Variants in DNAH11 observed in about 807,000 individuals in gnomAD.
DNAH11 encodes the protein axonemal beta dynein heavy chain 11.
In DNAH11, 442 loss-of-function variants were observed where a neutral mutation model predicts 526.0. The observed-to-expected ratio is 0.84, with a 90% CI of 0.78 to 0.91. DNAH11 has a LOEUF of 0.91. DNAH11 is among the 40% of genes least tolerant of loss of function. The pLI, the probability that DNAH11 is intolerant of heterozygous loss-of-function variation, is 0.00. For missense variants in DNAH11, 6,989 were observed against 5,448.7 expected (o/e 1.28, Z -8.90); for synonymous variants, 2,461 against 1,935.9 (o/e 1.27, Z -7.12).
chr7:21,833,531 A>C (rs1781871595), intron 65 of DNAH11, among the ~76,000 whole-genome samples: 1 of 152,014 alleles, frequency 6.6e-6, no homozygotes, highest in African/African-American at 2.4e-5. Context: ...CGTCTCTACT[A>C]AAAATAGATA....
At chr7:21,897,818 T>C (rs1784578856) in intron 79 of DNAH11, among the ~76,000 whole-genome samples, 2 of 152,128 alleles carry the variant, frequency 1.3e-5, no homozygotes, top group African/African-American at 2.4e-5. Context: ...GGTTTCACCA[T>C]GTTGGCCAGG....
intron 65 of DNAH11, among the ~76,000 whole-genome samples, chr7:21,822,423 C>A (rs1272296462): frequency 2.0e-5 from 3 of 152,114 alleles, no homozygotes; most frequent in African/African-American, 7.2e-5. Flanking sequence ...GAGATCTGCC[C>A]CCATGACCCA....
At chr7:21,733,580 C>G (rs1785478242) in intron 45 of DNAH11, among the ~76,000 whole-genome samples, 1 of 152,196 alleles carries the variant, frequency 6.6e-6, no homozygotes, top group Admixed American at 6.5e-5. Context: ...ACTGGTATCA[C>G]AAGATTGATG....
chr7:21,620,722 A>G (rs1439863596), intron 25 of DNAH11, among the ~76,000 whole-genome samples: 1 of 61,000 alleles, frequency 1.6e-5, no homozygotes, highest in African/African-American at 6.6e-5. Flanking sequence ...CCCTCCCCCC[A>G]CCCCACAACA....
At chr7:21,841,499 A>G (rs1782202704) in intron 65 of DNAH11, among the ~76,000 whole-genome samples, 1 of 152,240 alleles carries the variant, frequency 6.6e-6, no homozygotes, top group South Asian at 2.1e-4. Flanking sequence ...CACGTTCCCC[A>G]TGTCTGCCTG....
At position 21,884,364 on chromosome 7, in the gene DNAH11, G is replaced by A. The variant is rs375799557; in HGVS notation, c.12461G>A (p.Arg4154His). 1.1e-5 allele frequency: 18 copies of A among 1,612,842 alleles called. No homozygotes were observed. Among genetic ancestry groups the A allele is most frequent in the Middle Eastern group, 1.7e-4 (1 of 6,056 alleles). Reference sequence around the variant, plus strand: ...GGCCACATCACAGATGACTGGGATCGCAAACTGTGTCGGGTGTATTTAGAA... The same window carrying A: ...GGCCACATCACAGATGACTGGGATCACAAACTGTGTCGGGTGTATTTAGAA... ...YGGHITDDWD[R>H]KLCRVYLEEF... Residue 4154 changes from arginine to histidine, a missense_variant, in exon 76 of 82, where the codon CGC becomes CAC. Coordinates refer to ENST00000409508, the MANE Select transcript of DNAH11 (RefSeq NM_001277115.2).
chr7:21,598,605 AT>A (rs1784954975), intron 14 of DNAH11, among the ~76,000 whole-genome samples: 1 of 151,880 alleles, frequency 6.6e-6, no homozygotes, highest in African/African-American at 2.4e-5. Flanking sequence ...AAATAAATAA[AT>A]AAATAAATAA....
At chr7:21,716,184 G>C (rs966237856) in intron 42 of DNAH11, among the ~76,000 whole-genome samples, 5 of 152,058 alleles carry the variant, frequency 3.3e-5, no homozygotes, top group African/African-American at 1.2e-4. Flanking sequence ...GGAAAGTGGG[G>C]TGTGGGTTTT....
intron 2 of DNAH11, among the ~76,000 whole-genome samples, chr7:21,553,144 T>A (rs1783087106): frequency 6.6e-6 from 1 of 150,626 alleles, no homozygotes. Context: ...GGGTGTGATT[T>A]TTAACCCTCC....
Position 21,589,405 on chromosome 7 carries a change from T to C in DNAH11, c.2169+2T>C. 2.5e-6 allele frequency: 4 copies of C among 1,593,310 alleles called. No individual in the cohort carries two copies. The highest frequency in any genetic ancestry group is 2.3e-5 in the East Asian group (1 of 43,872). ...CTCTGTGTCAATTTTGACCCAAAGG[T>C]AGGGATTTGATTTTTTAAGATGATT... On this transcript the variant is annotated splice_donor_variant, in intron 12 of 81. Coordinates refer to ENST00000409508, the MANE Select transcript of DNAH11 (RefSeq NM_001277115.2). LOFTEE classifies it high-confidence loss of function.
At chr7:21,735,122 A>G (rs189844809) in intron 45 of DNAH11, among the ~76,000 whole-genome samples, 2 of 152,214 alleles carry the variant, frequency 1.3e-5, no homozygotes, top group Admixed American at 1.3e-4. Context: ...GTGAGCCATG[A>G]TCATGCCACT....
chr7:21,711,092 C>G lies in DNAH11; in HGVS notation c.6834+389C>G, dbSNP rs575199640. 3.3e-5 allele frequency among the ~76,000 whole-genome samples: 5 copies of G among 152,162 alleles called. 1 individual carries two copies. The highest frequency in any genetic ancestry group is 6.3e-3 in the Middle Eastern group (2 of 316). On this transcript the variant is annotated intron_variant, in intron 41 of 81. Transcript: ENST00000409508. ...GATTGAAATTAACTAGTTCCTTTGG[C>G]TATGGATTGAGTTAAAATGTTTTCC...
intron 25 of DNAH11, among the ~76,000 whole-genome samples, chr7:21,630,327 T>C (rs117248632): frequency 6.6e-6 from 1 of 152,356 alleles, no homozygotes; most frequent in East Asian, 1.9e-4. Flanking sequence ...TTGGGCTTCA[T>C]GCCAGGAGTA....
intron 21 of DNAH11, among the ~76,000 whole-genome samples, chr7:21,615,566 A>T (rs1785733249): frequency 2.6e-5 from 4 of 151,422 alleles, no homozygotes. Flanking sequence ...TTAATATATA[A>T]ATATATATTA....
intron 54 of DNAH11, among the ~76,000 whole-genome samples, chr7:21,763,353 A>AAAAAAAAAAAGAAG (rs66803559): frequency 0.021 from 1,203 of 56,610 alleles, 91 homozygotes; most frequent in African/African-American, 0.045. Flanking sequence ...AAAAAAAAAA[A>AAAAAAAAAAAGAAG]AAAGAAAAAA....
chr7:21,551,401 C>T (rs767544035), intron 2 of DNAH11, among the ~76,000 whole-genome samples: 4 of 152,204 alleles, frequency 2.6e-5, no homozygotes, highest in Non-Finnish European at 4.4e-5. Context: ...CTTTCTAAAA[C>T]CTGTTTGACC....
intron 11 of DNAH11, 26 bp downstream of exon 11, chr7:21,588,662 C>A: frequency 6.2e-7 from 1 of 1,608,260 alleles, no homozygotes; most frequent in Non-Finnish European, 8.5e-7. Flanking sequence ...TAGGTCATGG[C>A]AAGTTATTCT....
intron 63 of DNAH11, among the ~76,000 whole-genome samples, chr7:21,811,832 A>G (rs1789535309): frequency 1.3e-5 from 2 of 152,224 alleles, no homozygotes; most frequent in South Asian, 2.1e-4. Context: ...AGAGATGTAG[A>G]CAATCATAAT....
At chr7:21,624,470 G>A (rs373336221) in intron 25 of DNAH11, among the ~76,000 whole-genome samples, 77 of 152,232 alleles carry the variant, frequency 5.1e-4, no homozygotes, top group African/African-American at 1.8e-3. Context: ...GGAGCTGTTA[G>A]GATTTTCTAA....
Sources: gnomAD v4.1 joint callset for allele counts (sites outside exome capture counted in the v4.1 genomes callset) on GRCh38, gnomAD v4.1.1 for gene constraint, MANE v1.5 for transcripts, NCBI Gene and HGNC (gene_info 2026-07-23, HGNC 2026-07-21) for gene names.